CHIC1: variants seen among roughly 807,000 people sequenced by gnomAD.
CHIC1 encodes the protein cysteine rich hydrophobic domain 1.
CHIC1 carries 7 observed loss-of-function variants against 18.5 expected under a neutral mutation model. That is an observed-to-expected ratio of 0.38 (90% CI 0.22 to 0.71). The LOEUF (loss-of-function observed/expected upper bound fraction) is 0.71, where lower values mean the gene tolerates loss of function less well. CHIC1 is among the 30% of genes least tolerant of loss of function. CHIC1 has a pLI of 0.49. For missense variants in CHIC1, 159 were observed against 176.9 expected, an observed-to-expected ratio of 0.90 and a Z score of 0.57; for synonymous variants, 77 against 73.5, an observed-to-expected ratio of 1.05 and a Z score of -0.25.
At chrX:73,678,683 T>C (rs2058083682) in intron 3 of CHIC1, among the ~76,000 whole-genome samples, 1 of 112,535 alleles carries the variant, frequency 8.9e-6, no homozygotes, top group Admixed American at 9.4e-5. Context: ...AATATACAGA[T>C]TCTAAATGAA....
chrX:73,619,994 G>T (rs1303054673), intron 3 of CHIC1, among the ~76,000 whole-genome samples: 1 of 111,490 alleles, frequency 9.0e-6, no homozygotes, highest in East Asian at 2.8e-4. Context: ...TGCTGAGAAT[G>T]ATGGTTTCCA....
rs1287295401 is a variant in CHIC1, at chrX:73,685,174, C to G, written c.*4169C>G. On this transcript the variant is annotated 3_prime_UTR_variant, in exon 6 of 6. Transcript: ENST00000373502. ...GTCCTTGGTGGAAACTCTCACAGTGCCTTGCATGCAGTAAAAGTTTGATTT... is the reference window on the plus strand; with the variant it reads ...GTCCTTGGTGGAAACTCTCACAGTGGCTTGCATGCAGTAAAAGTTTGATTT... The G allele has an allele frequency of 9.0e-6, 1 of 111,133 alleles. No individual in the cohort carries two copies. Among genetic ancestry groups the G allele is most frequent in the Non-Finnish European group, 1.9e-5 (1 of 52,958 alleles). The allele number at this position is 111,133 out of a possible 1,213,427, so 9.2% of individuals were successfully genotyped here. A position where few individuals can be genotyped will look rare whatever the true frequency, so the allele number is the denominator to read the frequency against.
chrX:73,631,275 A>T (rs984690992), intron 3 of CHIC1, among the ~76,000 whole-genome samples: 2 of 110,483 alleles, frequency 1.8e-5, no homozygotes, highest in Admixed American at 9.7e-5. Flanking sequence ...TATTTCCTTC[A>T]TTCTGCTAAC....
intron 3 of CHIC1, among the ~76,000 whole-genome samples, chrX:73,614,668 C>A (rs2057724251): frequency 9.1e-6 from 1 of 110,030 alleles, no homozygotes; most frequent in East Asian, 2.9e-4. Flanking sequence ...ATTTTGACTA[C>A]ATTTTCTATT....
Position 73,612,904 on chromosome X carries a change from T to G in CHIC1, c.507+28332T>G, listed in dbSNP as rs962524268. Among the ~76,000 whole-genome samples, 3 of 111,756 alleles carry G rather than the reference T, an allele frequency of 2.7e-5. No individual in the cohort carries two copies. The Admixed American group carries it at 2.9e-4, about 11-fold the overall frequency. ...TAGATGATCTATCTAATGCTGAGAGTGAGGTGCTGAGGTCCCCAACTGTTA... is the reference window on the plus strand; with the variant it reads ...TAGATGATCTATCTAATGCTGAGAGGGAGGTGCTGAGGTCCCCAACTGTTA... On this transcript the variant is annotated intron_variant, in intron 3 of 5. Coordinates refer to ENST00000373502, the MANE Select transcript of CHIC1 (RefSeq NM_001039840.4).
intron 3 of CHIC1, among the ~76,000 whole-genome samples, chrX:73,645,225 G>T (rs966703350): frequency 2.7e-5 from 3 of 112,120 alleles, no homozygotes; most frequent in African/African-American, 9.7e-5. Flanking sequence ...TATCTATGTT[G>T]TCAAAAATGA....
chrX:73,592,804 C>T (rs1286347448), intron 3 of CHIC1, among the ~76,000 whole-genome samples: 3 of 110,354 alleles, frequency 2.7e-5, no homozygotes, highest in South Asian at 3.8e-4. Context: ...TACTTCTGGT[C>T]GAATTCAGCT....
intron 2 of CHIC1, among the ~76,000 whole-genome samples, chrX:73,581,764 A>G (rs2057528674): frequency 1.8e-5 from 2 of 111,188 alleles, no homozygotes; most frequent in South Asian, 7.3e-4. Context: ...CTATGGTAAG[A>G]AAATAGAAAT....
intron 1 of CHIC1, among the ~76,000 whole-genome samples, chrX:73,570,471 G>A (rs755367244): frequency 9.0e-6 from 1 of 111,268 alleles, no homozygotes; most frequent in South Asian, 3.8e-4. Context: ...GAGGGAAGGT[G>A]CAAATATGAT....
At chrX:73,639,746 T>A (rs1334515485) in intron 3 of CHIC1, among the ~76,000 whole-genome samples, 1 of 111,921 alleles carries the variant, frequency 8.9e-6, no homozygotes, top group Middle Eastern at 4.2e-3. Flanking sequence ...GTCTTTCACC[T>A]CCCTAATTAG....
At chrX:73,580,661 A>G (rs2147547998) in intron 2 of CHIC1, among the ~76,000 whole-genome samples, 1 of 111,277 alleles carries the variant, frequency 9.0e-6, no homozygotes, top group East Asian at 2.8e-4. Context: ...AAAAAATAAA[A>G]GAAAAAAGGT....
At chrX:73,631,049 T>C (rs1358589306) in intron 3 of CHIC1, among the ~76,000 whole-genome samples, 1 of 111,952 alleles carries the variant, frequency 8.9e-6, no homozygotes, top group African/African-American at 3.2e-5. Context: ...TTGTTCATAA[T>C]AGTGTCTTCT....
intron 3 of CHIC1, among the ~76,000 whole-genome samples, chrX:73,652,849 T>C (rs1286327063): frequency 9.0e-6 from 1 of 111,646 alleles, no homozygotes; most frequent in Non-Finnish European, 1.9e-5. Flanking sequence ...GAACCAGAAA[T>C]ACCATTTGAC....
Position 73,684,422 on chromosome X carries a change from A to G in CHIC1, c.*3417A>G, listed in dbSNP as rs185070910. 267 of 111,751 alleles carry G rather than the reference A, an allele frequency of 2.4e-3. No individual in the cohort carries two copies. The highest frequency in any genetic ancestry group is 8.3e-3 in the African/African-American group (257 of 30,944). 9.2% of individuals were successfully genotyped at this position (111,751 alleles called of 1,213,427 possible). On this transcript the variant is annotated 3_prime_UTR_variant, in exon 6 of 6. Coordinates refer to ENST00000373502, the MANE Select transcript of CHIC1 (RefSeq NM_001039840.4). ...TTTAAAAACGTGTAAGCCTTTGAACAAATGTATGAAAGCTTTAAAAGATCA... is the reference window on the plus strand; with the variant it reads ...TTTAAAAACGTGTAAGCCTTTGAACGAATGTATGAAAGCTTTAAAAGATCA...
intron 3 of CHIC1, among the ~76,000 whole-genome samples, chrX:73,646,467 C>T (rs2057889928): frequency 8.9e-6 from 1 of 112,067 alleles, no homozygotes; most frequent in Admixed American, 9.5e-5. Context: ...AGGAATTGCA[C>T]AAACACAAAA....
At chrX:73,654,185 G>C (rs2057931044) in intron 3 of CHIC1, among the ~76,000 whole-genome samples, 1 of 111,868 alleles carries the variant, frequency 8.9e-6, no homozygotes, top group Non-Finnish European at 1.9e-5. Context: ...TCATATATGG[G>C]CATTATTGTT....
intron 1 of CHIC1, among the ~76,000 whole-genome samples, chrX:73,565,799 A>T (rs2057442240): frequency 9.0e-6 from 1 of 111,223 alleles, no homozygotes; most frequent in African/African-American, 3.3e-5. Flanking sequence ...TTTCTGGCAT[A>T]GGAGTGTTAG....
In CHIC1 at chrX:73,681,021, C is replaced by T; in HGVS notation, c.*16C>T. 6 of 1,064,186 alleles carry T rather than the reference C, an allele frequency of 5.6e-6. No individual in the cohort carries two copies. Among genetic ancestry groups the T allele is most frequent in the Non-Finnish European group, 7.6e-6 (6 of 786,014 alleles). The allele number at this position is 1,064,186 out of a possible 1,213,427, so 87.7% of individuals were successfully genotyped here. On this transcript the variant is annotated 3_prime_UTR_variant, in exon 6 of 6. Transcript: ENST00000373502. ...ACCTGACTGAGGAGTTTTATCCAGT[C>T]ACTTCTGTGTTACCTGTCATTTCCT...
intron 3 of CHIC1, among the ~76,000 whole-genome samples, chrX:73,632,245 G>C (rs1008425134): frequency 7.2e-5 from 8 of 111,520 alleles, no homozygotes; most frequent in Non-Finnish European, 1.1e-4. Flanking sequence ...ATTGTTTCTT[G>C]TGACAGATTG....
Sources: gnomAD v4.1 joint callset for allele counts (sites outside exome capture counted in the v4.1 genomes callset) on GRCh38, gnomAD v4.1.1 for gene constraint, MANE v1.5 for transcripts, NCBI Gene and HGNC (gene_info 2026-07-23, HGNC 2026-07-21) for gene names.